RHOBTB3: variants seen among roughly 807,000 people sequenced by gnomAD.
RHOBTB3 encodes rho-related BTB domain-containing protein 3.
RHOBTB3 carries 47 observed loss-of-function variants against 67.2 expected under a neutral mutation model. The observed-to-expected ratio is 0.70, with a 90% CI of 0.55 to 0.89. RHOBTB3 has a LOEUF of 0.89. Among genes scored for constraint, RHOBTB3 ranks in the 40% least tolerant of loss-of-function variants. RHOBTB3 has a pLI of 0.00. For synonymous variants in RHOBTB3, 273 were observed against 274.2 expected, an observed-to-expected ratio of 1.00 and a Z score of 0.04; for missense variants, 631 against 750.0, an observed-to-expected ratio of 0.84 and a Z score of 1.85.
chr5:95,746,845 A>G (rs1310747213), intron 3 of RHOBTB3, among the ~76,000 whole-genome samples: 1 of 152,216 alleles, frequency 6.6e-6, no homozygotes, highest in Non-Finnish European at 1.5e-5. Flanking sequence ...AGCTAAAATT[A>G]TCTAAGCCAT....
rs1418148839 is a variant in RHOBTB3 at position 95,783,769 on chromosome 5, C to T, written c.1457-28C>T. On this transcript the variant is annotated intron_variant, in intron 9 of 11. Transcript: ENST00000379982. ...ATTAAAGAAATGGTTTCATCATCCA[C>T]TTTCTCTCATGTCCCTTTTCTCATC... 2.5e-6 allele frequency: 4 copies of T among 1,575,790 alleles called. No individual in the cohort carries two copies. The African/African-American group carries it at 4.0e-5, about 16-fold the overall frequency.
chr5:95,790,168 T>C (rs1359225475), intron 11 of RHOBTB3, among the ~76,000 whole-genome samples: 2 of 152,098 alleles, frequency 1.3e-5, no homozygotes, highest in Non-Finnish European at 1.5e-5. Context: ...CATAATCACA[T>C]CAAAACAAAA....
At chr5:95,790,009 T>C (rs1245951145) in intron 11 of RHOBTB3, among the ~76,000 whole-genome samples, 1 of 152,106 alleles carries the variant, frequency 6.6e-6, no homozygotes, top group African/African-American at 2.4e-5. Flanking sequence ...AGAGTAAAAA[T>C]CTCTTGTTTT....
chr5:95,766,612 A>G (rs1316737169), intron 7 of RHOBTB3, among the ~76,000 whole-genome samples: 39 of 151,642 alleles, frequency 2.6e-4, no homozygotes, highest in African/African-American at 5.1e-4. Flanking sequence ...AAAAAAAAAA[A>G]AGAGAAAGAA....
Position 95,731,604 on chromosome 5 carries a change from A to C in RHOBTB3, c.-79A>C. The C allele has an allele frequency of 6.3e-7, 1 of 1,593,166 alleles. No homozygotes were observed. On this transcript the variant is annotated 5_prime_UTR_variant, in exon 1 of 12. Transcript: ENST00000379982. The stretch of plus-strand genomic sequence containing the variant: ...CCGGGGATGAGCGGATTGCGGGTGA[A>C]CTCGCCGCCCGGGGGCCCCGCGAAG...
intron 6 of RHOBTB3, among the ~76,000 whole-genome samples, chr5:95,758,530 T>C (rs2112803756): frequency 6.6e-6 from 1 of 152,340 alleles, no homozygotes; most frequent in South Asian, 2.1e-4. Flanking sequence ...GCTAGAGTTT[T>C]AAGCATGATC....
At chr5:95,784,137 C>T (rs1407032145) in intron 10 of RHOBTB3, among the ~76,000 whole-genome samples, 174 bp downstream of exon 10, 1 of 152,130 alleles carries the variant, frequency 6.6e-6, no homozygotes, top group Non-Finnish European at 1.5e-5. Flanking sequence ...AATTTTGAAG[C>T]GTTAGGGTTT....
At chr5:95,743,443 G>A (rs1053358029) in intron 3 of RHOBTB3, among the ~76,000 whole-genome samples, 2 of 151,934 alleles carry the variant, frequency 1.3e-5, no homozygotes, top group Admixed American at 1.3e-4. Context: ...TCCCTGCATT[G>A]TTGAGCAGGG....
Position 95,788,756 on chromosome 5 carries a change from T to G in RHOBTB3, c.1624-6T>G. ...AATATTATTTCACTTTTCATTTTTC[T>G]TGCAGTTTCACCACTCTGATTGCCT... On this transcript the variant is annotated splice_polypyrimidine_tract_variant and splice_region_variant and intron_variant, in intron 10 of 11. Transcript: ENST00000379982. 1 of 1,574,968 alleles carries G rather than the reference T, an allele frequency of 6.3e-7. No individual in the cohort carries two copies. The highest frequency in any genetic ancestry group is 8.6e-7 in the Non-Finnish European group (1 of 1,157,308).
chr5:95,757,878 T>C (rs1336990680), intron 6 of RHOBTB3, among the ~76,000 whole-genome samples: 1 of 152,204 alleles, frequency 6.6e-6, no homozygotes, highest in East Asian at 1.9e-4. Context: ...AAAGACTTCA[T>C]TTAGTACTAT....
chr5:95,752,735 G>A (rs1290609424), intron 5 of RHOBTB3, among the ~76,000 whole-genome samples: 3 of 152,034 alleles, frequency 2.0e-5, no homozygotes, highest in African/African-American at 4.8e-5. Context: ...ATTTTAATAC[G>A]GACTGGAAAT....
At chr5:95,777,081 TA>T (rs949599673) in intron 8 of RHOBTB3, among the ~76,000 whole-genome samples, 6 of 151,676 alleles carry the variant, frequency 4.0e-5, no homozygotes, top group Non-Finnish European at 7.4e-5. Context: ...TTTTGGCGTG[TA>T]AAAAAAAATT....
intron 1 of RHOBTB3, among the ~76,000 whole-genome samples, chr5:95,719,246 G>C (rs984441519): frequency 6.6e-6 from 1 of 152,096 alleles, no homozygotes; most frequent in South Asian, 2.1e-4. Context: ...AGAGACAGAC[G>C]GGAGTATAGT....
In RHOBTB3 at chr5:95,757,209, G is replaced by A. The variant is rs192421797; in HGVS notation, c.1048+1448G>A. Among the ~76,000 whole-genome samples the A allele has an allele frequency of 2.8e-3, 419 of 152,156 alleles. 4 individuals carry two copies. The highest frequency in any genetic ancestry group is 5.1e-3 in the Non-Finnish European group (347 of 67,986). On this transcript the variant is annotated intron_variant, in intron 6 of 11. Transcript: ENST00000379982. Reference sequence around the variant, plus strand: ...CAGTAGCAACTATATTTTAAAGATGGAAGTTCTATCTGAGTCATTTTAGCA... The same window carrying A: ...CAGTAGCAACTATATTTTAAAGATGAAAGTTCTATCTGAGTCATTTTAGCA...
At chr5:95,757,790 G>A (rs369792896) in intron 6 of RHOBTB3, among the ~76,000 whole-genome samples, 44 of 152,270 alleles carry the variant, frequency 2.9e-4, no homozygotes, top group Middle Eastern at 6.8e-3. Flanking sequence ...CCTTCAACGG[G>A]TTCTCTGTAA....
At chr5:95,769,545 G>A (rs1050510056) in intron 8 of RHOBTB3, 6 of 174,658 alleles carry the variant, frequency 3.4e-5, no homozygotes, top group African/African-American at 1.4e-4. Flanking sequence ...AGACAAATCA[G>A]CAACATCATT....
chr5:95,788,685 C>G, intron 10 of RHOBTB3, 77 bp from the exon 11 acceptor site: 2 of 958,382 alleles, frequency 2.1e-6, no homozygotes, highest in Non-Finnish European at 3.2e-6. Context: ...CGTGATTGCT[C>G]CCAGGCCGTT....
rs1045917986 is a variant in RHOBTB3 at position 95,756,131 on chromosome 5, A to G, written c.1048+370A>G. ...AATTCTTTGCATCTTATAAAACTGAAACTCTATACCCATTAAACGATGATT... is the reference window on the plus strand; with the variant it reads ...AATTCTTTGCATCTTATAAAACTGAGACTCTATACCCATTAAACGATGATT... On this transcript the variant is annotated intron_variant, in intron 6 of 11. Transcript: ENST00000379982. 3 of 185,532 alleles carry G rather than the reference A, an allele frequency of 1.6e-5. No homozygotes were observed. In the South Asian group the frequency reaches 3.5e-4, roughly 22 times the overall value. 11.5% of individuals were successfully genotyped at this position (185,532 alleles called of 1,614,324 possible).
intron 3 of RHOBTB3, among the ~76,000 whole-genome samples, chr5:95,738,991 G>A (rs1005852418): frequency 2.6e-5 from 4 of 151,952 alleles, no homozygotes; most frequent in Admixed American, 6.5e-5. Flanking sequence ...CCAGGGTTCC[G>A]TCCTTTGACC....
Sources: gnomAD v4.1 joint callset for allele counts (sites outside exome capture counted in the v4.1 genomes callset) on GRCh38, gnomAD v4.1.1 for gene constraint, MANE v1.5 for transcripts, NCBI Gene and HGNC (gene_info 2026-07-23, HGNC 2026-07-21) for gene names.